The following GPBP1 variants were observed in gnomAD, a reference collection of about 807,000 sequenced individuals.
GPBP1 encodes the protein GC-rich promoter binding protein 1, also known as vasculin.
In GPBP1, 13 loss-of-function variants were observed where a neutral mutation model predicts 56.5. The observed-to-expected ratio is 0.23, with a 90% CI of 0.15 to 0.37. The LOEUF is 0.37. Among genes scored for constraint, GPBP1 ranks in the 10% least tolerant of loss-of-function variants. GPBP1 has a pLI of 1.00. For synonymous variants in GPBP1, 204 were observed against 188.9 expected, an observed-to-expected ratio of 1.08 and a Z score of -0.66; for missense variants, 477 against 572.3, an observed-to-expected ratio of 0.83 and a Z score of 1.70.
At chr5:57,244,194 T>G (rs1740975372) in intron 6 of GPBP1, among the ~76,000 whole-genome samples, 1 of 152,240 alleles carries the variant, frequency 6.6e-6, no homozygotes, top group African/African-American at 2.4e-5. Context: ...CCTTTGAGGC[T>G]CTATGTGGTA....
intron 8 of GPBP1, among the ~76,000 whole-genome samples, chr5:57,248,514 G>A (rs977472593): frequency 4.3e-5 from 6 of 139,536 alleles, no homozygotes; most frequent in African/African-American, 1.6e-4. Flanking sequence ...TGCAAGCTCC[G>A]CCTCCCGGGT....
At chr5:57,237,828 C>G (rs553769311) in intron 6 of GPBP1, among the ~76,000 whole-genome samples, 1 of 150,680 alleles carries the variant, frequency 6.6e-6, no homozygotes, top group Non-Finnish European at 1.5e-5. Context: ...AATTTACTAA[C>G]GAAAATATAA....
At chr5:57,206,356 GT>G (rs1328232121) in intron 2 of GPBP1, among the ~76,000 whole-genome samples, 1 of 151,966 alleles carries the variant, frequency 6.6e-6, no homozygotes, top group Non-Finnish European at 1.5e-5. Context: ...GAGTTTTATA[GT>G]TTTTGCTTTT....
chr5:57,187,003 A>AGTGTGTGTGTGTGT (rs66642664), intron 2 of GPBP1, among the ~76,000 whole-genome samples: 4 of 146,782 alleles, frequency 2.7e-5, no homozygotes, highest in South Asian at 2.2e-4. Flanking sequence ...GACTCAGAGA[A>AGTGTGTGTGTGTGT]GTGTGTGTGT....
At chr5:57,242,530 C>T (rs1396855038) in intron 6 of GPBP1, among the ~76,000 whole-genome samples, 4 of 152,124 alleles carry the variant, frequency 2.6e-5, no homozygotes, top group Non-Finnish European at 4.4e-5. Context: ...GTCTTGCCCT[C>T]TCCCCCAGGC....
chr5:57,237,214 T>G (rs983838524), intron 6 of GPBP1: 77 of 1,285,588 alleles, frequency 6.0e-5, no homozygotes, highest in Non-Finnish European at 7.7e-5. Flanking sequence ...AACAACTGAT[T>G]GCATAAGAAT....
At chr5:57,261,513 T>C (rs1405970213) in intron 11 of GPBP1, among the ~76,000 whole-genome samples, 2 of 152,186 alleles carry the variant, frequency 1.3e-5, no homozygotes, top group Non-Finnish European at 2.9e-5. Context: ...TAACTGGGAC[T>C]ACAGGCAGGA....
chr5:57,208,147 C>T (rs1214389062), intron 2 of GPBP1, among the ~76,000 whole-genome samples: 1 of 151,966 alleles, frequency 6.6e-6, no homozygotes, highest in Non-Finnish European at 1.5e-5. Context: ...CAGCGCTTGC[C>T]TGCACACTTC....
At chr5:57,255,975 G>A (rs12153561) in intron 10 of GPBP1, among the ~76,000 whole-genome samples, 28,039 of 152,104 alleles carry the variant, frequency 0.18, 3,404 homozygotes, top group Non-Finnish European at 0.27. Flanking sequence ...GAAAACATCC[G>A]GCTGGGGACA....
intron 10 of GPBP1, among the ~76,000 whole-genome samples, chr5:57,256,836 A>G (rs1741685148): frequency 6.6e-6 from 1 of 152,202 alleles, no homozygotes; most frequent in Admixed American, 6.5e-5. Flanking sequence ...AAAGACGTAT[A>G]TCAATACCTT....
intron 2 of GPBP1, among the ~76,000 whole-genome samples, chr5:57,183,407 C>G (rs572796351): frequency 1.3e-5 from 2 of 152,192 alleles, no homozygotes; most frequent in South Asian, 2.1e-4. Flanking sequence ...AACATATGTA[C>G]AACTCTTAAG....
At chr5:57,202,880 G>A (rs1187178240) in intron 2 of GPBP1, among the ~76,000 whole-genome samples, 1 of 152,082 alleles carries the variant, frequency 6.6e-6, no homozygotes, top group Admixed American at 6.6e-5. Context: ...AGTTCATACT[G>A]TTTGCAATAT....
At position 57,236,044 on chromosome 5, in the gene GPBP1, T is replaced by C. The variant is rs762844696; in HGVS notation, c.478+12T>C. On this transcript the variant is annotated intron_variant, in intron 6 of 11. Coordinates refer to ENST00000506184, the MANE Select transcript of GPBP1 (RefSeq NM_022913.4). ...TGCAGGTGTGTGGGGTAAGTAATTT[T>C]TTATCTATATTTGAGGGGCACAAAA... 9.0e-6 allele frequency: 14 copies of C among 1,564,204 alleles called. No homozygotes were observed. In the South Asian group the frequency reaches 1.3e-4, roughly 15 times the overall value.
At chr5:57,186,976 A>G (rs906600451) in intron 2 of GPBP1, among the ~76,000 whole-genome samples, 22 of 148,800 alleles carry the variant, frequency 1.5e-4, no homozygotes, top group African/African-American at 5.5e-4. Flanking sequence ...AAATCAAATT[A>G]TGTGTGTCTA....
chr5:57,214,320 TC>T (rs1247083829), intron 3 of GPBP1, 127 bp downstream of exon 3: 20 of 798,484 alleles, frequency 2.5e-5, no homozygotes, highest in Non-Finnish European at 3.2e-5. Context: ...GCGCGGTGGC[TC>T]ACCCCTGTAA....
At chr5:57,239,565 G>A (rs1037981623) in intron 6 of GPBP1, among the ~76,000 whole-genome samples, 1 of 152,108 alleles carries the variant, frequency 6.6e-6, no homozygotes, top group Admixed American at 6.5e-5. Context: ...CTGATCATCA[G>A]AGGTCAGGAG....
intron 2 of GPBP1, among the ~76,000 whole-genome samples, chr5:57,209,378 A>G (rs1417431799): frequency 6.6e-6 from 1 of 152,170 alleles, no homozygotes; most frequent in Non-Finnish European, 1.5e-5. Flanking sequence ...ATAGCACTCT[A>G]CAGCCTCAAA....
At chr5:57,205,722 A>G (rs1057142539) in intron 2 of GPBP1, among the ~76,000 whole-genome samples, 1 of 151,812 alleles carries the variant, frequency 6.6e-6, no homozygotes, top group South Asian at 2.1e-4. Context: ...TCTTCTTGGG[A>G]AAATATTCAA....
intron 3 of GPBP1, among the ~76,000 whole-genome samples, chr5:57,229,275 T>G: frequency 7.4e-6 from 1 of 135,938 alleles, no homozygotes; most frequent in African/African-American, 2.9e-5. Context: ...AAAGGAGTTG[T>G]CTGTCTTCTC....
Sources: gnomAD v4.1 joint callset for allele counts (sites outside exome capture counted in the v4.1 genomes callset) on GRCh38, gnomAD v4.1.1 for gene constraint, MANE v1.5 for transcripts, NCBI Gene and HGNC (gene_info 2026-07-23, HGNC 2026-07-21) for gene names.